Variants in TRAK2 observed in about 807,000 individuals in gnomAD.
TRAK2 encodes trafficking kinesin protein 2.
Under a neutral mutation model 104.6 loss-of-function variants are expected in TRAK2, and 81 were observed. The observed-to-expected ratio is 0.77, with a 90% CI of 0.65 to 0.93. TRAK2 has a LOEUF of 0.93. Among genes scored for constraint, TRAK2 ranks in the 40% least tolerant of loss-of-function variants. The pLI is 0.00. For missense variants in TRAK2, 1,002 were observed against 1,089.0 expected (o/e 0.92, Z 1.12); for synonymous variants, 406 against 394.4 (o/e 1.03, Z -0.35).
chr2:201,448,173 A>T (rs987389585), intron 1 of TRAK2, among the ~76,000 whole-genome samples: 3 of 152,248 alleles, frequency 2.0e-5, no homozygotes, highest in Non-Finnish European at 2.9e-5. Context: ...CATTTTAAAT[A>T]AGGTAGTTGT....
At chr2:201,407,349 T>C (rs1951603104) in intron 3 of TRAK2, 54 bp downstream of exon 3, 1 of 1,467,104 alleles carries the variant, frequency 6.8e-7, no homozygotes, top group South Asian at 1.2e-5. Flanking sequence ...AATACCAAGA[T>C]ACCCATGATC....
rs1204541440 is a variant in TRAK2 at position 201,378,922 on chromosome 2, C to T, written c.*1621G>A. On this transcript the variant is annotated 3_prime_UTR_variant, in exon 16 of 16. Transcript: ENST00000332624. ...TCAAAAGGGGAGAGGAAGGACTCTC[C>T]TTGGCCTGGGAATAGGTGTGCCTAT... 2.0e-5 allele frequency: 3 copies of T among 152,096 alleles called. No homozygotes were observed. 9.4% of individuals were successfully genotyped at this position (152,096 alleles called of 1,614,324 possible). A position where few individuals can be genotyped will look rare whatever the true frequency, so the allele number is the denominator to read the frequency against.
intron 2 of TRAK2, chr2:201,412,030 T>C (rs1951651573): frequency 1.9e-6 from 2 of 1,051,922 alleles, no homozygotes; most frequent in African/African-American, 3.1e-5. Flanking sequence ...AATCCATTTT[T>C]TGTAGGAAAA....
At chr2:201,415,454 AATTTTTTATATCCTCTATTT>A in intron 2 of TRAK2, among the ~76,000 whole-genome samples, 1 of 152,194 alleles carries the variant, frequency 6.6e-6, no homozygotes, top group African/African-American at 2.4e-5. Flanking sequence ...AATAAGCAGC[AATTTTTTATATCCTCTATTT>A]TTAATATGCT....
At chr2:201,413,387 C>G in intron 2 of TRAK2, 1 of 622,810 alleles carries the variant, frequency 1.6e-6, no homozygotes. Context: ...TTTTCCCCAC[C>G]CCCCTAAACA....
chr2:201,446,769 T>G (rs2125665020), intron 1 of TRAK2, among the ~76,000 whole-genome samples: 1 of 152,364 alleles, frequency 6.6e-6, no homozygotes. Flanking sequence ...TTGGCTTAAA[T>G]CTGTGTCAGC....
chr2:201,428,641 T>A (rs1257707074), intron 1 of TRAK2, among the ~76,000 whole-genome samples: 1 of 152,378 alleles, frequency 6.6e-6, no homozygotes, highest in African/African-American at 2.4e-5. Flanking sequence ...AGGATTGTCT[T>A]GGCAATGCAG....
At chr2:201,405,995 A>G (rs978058424) in intron 3 of TRAK2, among the ~76,000 whole-genome samples, 2 of 152,202 alleles carry the variant, frequency 1.3e-5, no homozygotes, top group African/African-American at 4.8e-5. Flanking sequence ...AAAAAAAGAA[A>G]AGAAAAGAAA....
rs1193399776 is a variant in TRAK2 at position 201,378,528 on chromosome 2, T to C, written c.*2015A>G. ...AAAAAATTTTAAGAATTGACTAAAG[T>C]AAGCACCCCAGAGTCACTTTATGAA... On this transcript the variant is annotated 3_prime_UTR_variant, in exon 16 of 16. Transcript: ENST00000332624. 1 of 152,164 alleles carries C rather than the reference T, an allele frequency of 6.6e-6. No individual in the cohort carries two copies. The highest frequency in any genetic ancestry group is 1.5e-5 in the Non-Finnish European group (1 of 68,020). The allele number at this position is 152,164 out of a possible 1,614,324, so 9.4% of individuals were successfully genotyped here.
intron 1 of TRAK2, among the ~76,000 whole-genome samples, chr2:201,445,191 G>A (rs1462687379): frequency 7.2e-5 from 11 of 152,184 alleles, no homozygotes; most frequent in African/African-American, 2.7e-4. Flanking sequence ...AAGAGGTTAT[G>A]TGAGTCAGTA....
rs1470784273 is a variant in TRAK2, at chr2:201,384,099, A to G, written c.2069+12T>C. On this transcript the variant is annotated intron_variant, in intron 15 of 15. Coordinates refer to ENST00000332624, the MANE Select transcript of TRAK2 (RefSeq NM_015049.3). The stretch of plus-strand genomic sequence containing the variant: ...AAAGAAGTGAGGCCCCAGATTTCCC[A>G]GGCACTCTTACCTGGGGGTAACCTG... 1.9e-6 allele frequency: 3 copies of G among 1,570,398 alleles called. No homozygotes were observed. Among genetic ancestry groups the G allele is most frequent in the Middle Eastern group, 3.3e-4 (2 of 5,978 alleles).
chr2:201,407,326 T>A, intron 3 of TRAK2, 77 bp downstream of exon 3: 1 of 1,271,294 alleles, frequency 7.9e-7, no homozygotes, highest in Non-Finnish European at 1.1e-6. Context: ...TAAACATCAG[T>A]GCTTTAAAAA....
At chr2:201,429,357 G>A (rs1013310649) in intron 1 of TRAK2, among the ~76,000 whole-genome samples, 3 of 152,110 alleles carry the variant, frequency 2.0e-5, no homozygotes, top group Non-Finnish European at 4.4e-5. Flanking sequence ...TGCTCTTCTC[G>A]AGGAGTAACT....
intron 2 of TRAK2, among the ~76,000 whole-genome samples, chr2:201,417,241 C>CAAAAAAAAAAAAAAAAAGAAAAAAAAAAA (rs1951700430): frequency 2.3e-4 from 20 of 88,402 alleles, no homozygotes; most frequent in South Asian, 4.4e-4. Flanking sequence ...GAAGACATTG[C>CAAAAAAAAAAAAAAAAAGAAAAAAAAAAA]AAAAAAAAAA....
intron 5 of TRAK2, 74 bp from the exon 6 acceptor site, chr2:201,398,428 G>A (rs1169065313): frequency 9.1e-6 from 12 of 1,312,760 alleles, no homozygotes; most frequent in South Asian, 4.2e-5. Context: ...TCTAATTCAT[G>A]GAACAATTAT....
chr2:201,393,141 C>A, intron 9 of TRAK2, 95 bp from the exon 10 acceptor site: 1 of 1,284,476 alleles, frequency 7.8e-7, no homozygotes, highest in Non-Finnish European at 1.1e-6. Flanking sequence ...TTGATTTTAC[C>A]CAGAGGGCTA....
At chr2:201,411,949 T>G (rs910965674) in intron 2 of TRAK2, 1 of 975,564 alleles carries the variant, frequency 1.0e-6, no homozygotes, top group Non-Finnish European at 1.7e-6. Flanking sequence ...TGGAAGGAGC[T>G]TCTAGTGCTC....
chr2:201,427,619 C>T (rs1951801481), intron 1 of TRAK2, among the ~76,000 whole-genome samples: 1 of 152,132 alleles, frequency 6.6e-6, no homozygotes, highest in South Asian at 2.1e-4. Flanking sequence ...GTGAATAGTG[C>T]CACAATAAAC....
At chr2:201,400,276 G>T (rs1161938946) in intron 4 of TRAK2, among the ~76,000 whole-genome samples, 2 of 151,948 alleles carry the variant, frequency 1.3e-5, no homozygotes, top group African/African-American at 4.8e-5. Flanking sequence ...TATTCTATAG[G>T]ATAGAAAACT....
Sources: allele counts gnomAD v4.1 joint callset (sites outside exome capture counted in the v4.1 genomes callset), GRCh38; gene constraint gnomAD v4.1.1; transcripts MANE v1.5; gene names NCBI Gene and HGNC (gene_info 2026-07-23, HGNC 2026-07-21).